Variants in HMGN5 observed in about 807,000 individuals in gnomAD.
The protein encoded by HMGN5 is high mobility group nucleosome-binding domain-containing protein 5.
In HMGN5, 4 loss-of-function variants were observed where a neutral mutation model predicts 9.5. The observed-to-expected ratio is 0.42, with a 90% CI of 0.21 to 0.96. The LOEUF is 0.96. Ranked by LOEUF, HMGN5 falls within the 40% of genes least tolerant of loss-of-function variation. The pLI is 0.30. For missense variants in HMGN5, 192 were observed against 187.5 expected (o/e 1.02, Z -0.14); for synonymous variants, 55 against 57.1 (o/e 0.96, Z 0.16).
chrX:81,147,919 T>C (rs1027900216), intron 1 of HMGN5, among the ~76,000 whole-genome samples: 4 of 111,255 alleles, frequency 3.6e-5, no homozygotes, highest in African/African-American at 1.3e-4. Context: ...GGAATCCAAC[T>C]TACAGGGGAT....
chrX:81,189,956 T>C lies in HMGN5; in HGVS notation c.-124+11781A>G, dbSNP rs747257032. 2.7e-5 allele frequency among the ~76,000 whole-genome samples: 3 copies of C among 112,528 alleles called. No individual in the cohort carries two copies. In the South Asian group the frequency reaches 1.1e-3, roughly 41 times the overall value. On this transcript the variant is annotated intron_variant, in intron 1 of 6. Transcript: ENST00000358130. ...GTGTAGTGGTATCTCATTGTTGTTT[T>C]CATTTACATTTCCATCATGACATAC...
chrX:81,118,426 A>G lies in HMGN5; in HGVS notation c.129+6T>C. Reference sequence around the variant, plus strand: ...TTTATTTCAATATTCTACGTTGAATATTTACCCTTGAACTTGATGTTCTTT... The same window carrying G: ...TTTATTTCAATATTCTACGTTGAATGTTTACCCTTGAACTTGATGTTCTTT... On this transcript the variant is annotated splice_donor_region_variant and intron_variant, in intron 5 of 6. Transcript: ENST00000358130. 8.7e-7 allele frequency: 1 copy of G among 1,144,403 alleles called. No homozygotes were observed. Among genetic ancestry groups the G allele is most frequent in the South Asian group, 2.0e-5 (1 of 50,331 alleles). The allele number at this position is 1,144,403 out of a possible 1,213,427, so 94.3% of individuals were successfully genotyped here.
At chrX:81,152,125 A>C (rs1354320906) in intron 1 of HMGN5, among the ~76,000 whole-genome samples, 1 of 111,842 alleles carries the variant, frequency 8.9e-6, no homozygotes, top group Non-Finnish European at 1.9e-5. Context: ...AATGGCAACA[A>C]AAGCCAAAAT....
At chrX:81,125,258 TA>T (rs774038398) in intron 1 of HMGN5, among the ~76,000 whole-genome samples, 105 of 111,058 alleles carry the variant, frequency 9.5e-4, no homozygotes, top group African/African-American at 3.2e-3. Context: ...TTTAATAAAA[TA>T]AAAAATTGGA....
chrX:81,197,805 T>C (rs1351289994), intron 1 of HMGN5: 1 of 53,719 alleles, frequency 1.9e-5, no homozygotes, highest in Non-Finnish European at 3.5e-5. Flanking sequence ...CAAATTATGT[T>C]CATTTTGCAA....
chrX:81,135,696 G>T (rs1166181463), intron 1 of HMGN5, among the ~76,000 whole-genome samples: 1 of 110,270 alleles, frequency 9.1e-6, no homozygotes, highest in Non-Finnish European at 1.9e-5. Context: ...GAATTTGGGG[G>T]AATGAAGAGT....
intron 1 of HMGN5, among the ~76,000 whole-genome samples, chrX:81,138,423 C>T (rs1434069243): frequency 9.0e-6 from 1 of 111,353 alleles, no homozygotes; most frequent in Non-Finnish European, 1.9e-5. Context: ...ATATGGAAGG[C>T]ACATTTGACA....
rs913791757 is a variant in HMGN5, at chrX:81,183,080, A to G, written c.-124+18657T>C. ...CTTCTGTTATGAGATGATTTAGGGT[A>G]TCTGATGGAAGAAATTTCTAAGCAG... On this transcript the variant is annotated intron_variant, in intron 1 of 6. Transcript: ENST00000358130. 5.4e-5 allele frequency among the ~76,000 whole-genome samples: 6 copies of G among 112,016 alleles called. No homozygotes were observed. In the East Asian group the frequency reaches 1.7e-3, roughly 32 times the overall value.
intron 1 of HMGN5, among the ~76,000 whole-genome samples, chrX:81,143,092 G>T (rs1481630059): frequency 1.8e-5 from 2 of 110,837 alleles, no homozygotes. Flanking sequence ...CATAGTATTT[G>T]CAAGCCTCAT....
chrX:81,171,880 G>GA (rs1488776878), intron 1 of HMGN5, among the ~76,000 whole-genome samples: 1 of 110,660 alleles, frequency 9.0e-6, no homozygotes, highest in Non-Finnish European at 1.9e-5. Flanking sequence ...CCTCCTATAA[G>GA]AAAATATTTG....
At position 81,162,269 on chromosome X, in the gene HMGN5, A is replaced by G. The variant is rs764718236; in HGVS notation, c.-124+39468T>C. 1.1e-4 allele frequency among the ~76,000 whole-genome samples: 12 copies of G among 109,633 alleles called. No individual in the cohort carries two copies. In the South Asian group the frequency reaches 4.8e-3, roughly 44 times the overall value. On this transcript the variant is annotated intron_variant, in intron 1 of 6. Coordinates refer to ENST00000358130, the MANE Select transcript of HMGN5 (RefSeq NM_030763.3). ...TAAATTGGTACACAGAAAATTTTTC[A>G]AGGAATTGTGCAATAGGTTGGACTT... is the stretch of plus-strand genomic sequence containing the variant.
intron 1 of HMGN5, among the ~76,000 whole-genome samples, chrX:81,135,553 T>A (rs1166737019): frequency 9.0e-6 from 1 of 110,912 alleles, no homozygotes; most frequent in East Asian, 2.8e-4. Flanking sequence ...TCAAAAACAT[T>A]ATACTAAGTG....
At chrX:81,200,038 AC>A (rs1311839337) in intron 1 of HMGN5, among the ~76,000 whole-genome samples, 2 of 112,568 alleles carry the variant, frequency 1.8e-5, no homozygotes, top group South Asian at 3.6e-4. Flanking sequence ...CAAGAAAAAA[AC>A]AACCCCATCA....
At chrX:81,179,158 C>T (rs2075452652) in intron 1 of HMGN5, among the ~76,000 whole-genome samples, 1 of 111,763 alleles carries the variant, frequency 8.9e-6, no homozygotes, top group Admixed American at 9.5e-5. Context: ...AGGATGCCCT[C>T]TCTCACCACT....
intron 1 of HMGN5, among the ~76,000 whole-genome samples, chrX:81,128,044 A>ATG (rs1204592606): frequency 1.0e-4 from 11 of 110,487 alleles, no homozygotes; most frequent in East Asian, 8.5e-4. Context: ...CATCATATAT[A>ATG]TGTGTGTGTG....
At chrX:81,142,980 G>A (rs2075333789) in intron 1 of HMGN5, among the ~76,000 whole-genome samples, 1 of 111,261 alleles carries the variant, frequency 9.0e-6, no homozygotes, top group Non-Finnish European at 1.9e-5. Flanking sequence ...AAAAAGCAAG[G>A]GAATGAAGTT....
Position 81,118,419 on chromosome X carries a change from G to A in HMGN5, c.129+13C>T, listed in dbSNP as rs779452739. On this transcript the variant is annotated intron_variant, in intron 5 of 6. Coordinates refer to ENST00000358130, the MANE Select transcript of HMGN5 (RefSeq NM_030763.3). ...AAGCAAATTTATTTCAATATTCTAC[G>A]TTGAATATTTACCCTTGAACTTGAT... The A allele has an allele frequency of 1.3e-5, 14 of 1,103,041 alleles. No individual in the cohort carries two copies. Among genetic ancestry groups the A allele is most frequent in the East Asian group, 6.2e-5 (2 of 32,072 alleles). The allele number at this position is 1,103,041 out of a possible 1,213,427, so 90.9% of individuals were successfully genotyped here.
chrX:81,141,808 T>C (rs779118493), intron 1 of HMGN5, among the ~76,000 whole-genome samples: 1 of 111,466 alleles, frequency 9.0e-6, no homozygotes, highest in Non-Finnish European at 1.9e-5. Context: ...TAACATCTAT[T>C]AGCATCAACA....
At chrX:81,164,786 AG>A (rs1250811805) in intron 1 of HMGN5, among the ~76,000 whole-genome samples, 1 of 111,498 alleles carries the variant, frequency 9.0e-6, no homozygotes, top group Non-Finnish European at 1.9e-5. Context: ...GCTTTACAGC[AG>A]GGAAGTAAAG....
Sources: allele counts gnomAD v4.1 joint callset (sites outside exome capture counted in the v4.1 genomes callset), GRCh38; gene constraint gnomAD v4.1.1; transcripts MANE v1.5; gene names NCBI Gene and HGNC (gene_info 2026-07-23, HGNC 2026-07-21).